MAK: variants seen among roughly 807,000 people sequenced by gnomAD.
MAK encodes the protein male germ cell associated kinase, also known as serine/threonine-protein kinase MAK.
MAK carries 65 observed loss-of-function variants against 82.6 expected under a neutral mutation model. The ratio of observed to expected loss-of-function variants is 0.79; its 90% confidence interval spans 0.64 to 0.97. The LOEUF (loss-of-function observed/expected upper bound fraction) is 0.97. Among genes scored for constraint, MAK ranks in the 50% least tolerant of loss-of-function variants. The pLI is 0.00. For synonymous variants in MAK, 250 were observed against 274.2 expected (o/e 0.91, Z 0.87); for missense variants, 703 against 780.2 (o/e 0.90, Z 1.18).
chr6:10,785,421 A>G (rs996178697), intron 10 of MAK, among the ~76,000 whole-genome samples: 1 of 152,096 alleles, frequency 6.6e-6, no homozygotes, highest in Non-Finnish European at 1.5e-5. Flanking sequence ...ATACTGCCCA[A>G]TTTCCATCAC....
At chr6:10,821,895 C>G (rs1777965885) in intron 2 of MAK, among the ~76,000 whole-genome samples, 1 of 150,798 alleles carries the variant, frequency 6.6e-6, no homozygotes, top group Admixed American at 6.6e-5. Context: ...CACCTGTAAT[C>G]CCAGCACTTT....
intron 9 of MAK, among the ~76,000 whole-genome samples, chr6:10,794,414 C>A (rs941112934): frequency 6.6e-6 from 1 of 152,058 alleles, no homozygotes; most frequent in Non-Finnish European, 1.5e-5. Flanking sequence ...GAGGAAGAGA[C>A]AAATAAACAA....
At chr6:10,809,949 T>G (rs1035175881) in intron 5 of MAK, among the ~76,000 whole-genome samples, 4 of 151,704 alleles carry the variant, frequency 2.6e-5, no homozygotes, top group Non-Finnish European at 5.9e-5. Flanking sequence ...AATACCAAAA[T>G]TAGCCGGGCA....
intron 5 of MAK, among the ~76,000 whole-genome samples, chr6:10,812,093 G>A (rs1776980688): frequency 1.3e-5 from 2 of 152,050 alleles, no homozygotes; most frequent in African/African-American, 4.8e-5. Flanking sequence ...CCAGCTACTA[G>A]GGAGGCTGAG....
At chr6:10,786,210 A>T (rs753807893) in intron 10 of MAK, among the ~76,000 whole-genome samples, 22 of 152,188 alleles carry the variant, frequency 1.4e-4, no homozygotes, top group Admixed American at 2.6e-4. Context: ...GCACCACTGC[A>T]CTCAGCCTGG....
At chr6:10,818,766 A>T in intron 3 of MAK, 120 bp downstream of exon 3, 1 of 691,578 alleles carries the variant, frequency 1.4e-6, no homozygotes. Context: ...TTAGGAATAT[A>T]AAGGAAAAAC....
rs1775236440 is a variant in MAK, at chr6:10,793,295, G to A, written c.1144-1448C>T. ...CAAAGGGGATCAGCACATAGTTGAAGAACTTGACCAACAGTACTGACAAAT... is the reference window on the plus strand; with the variant it reads ...CAAAGGGGATCAGCACATAGTTGAAAAACTTGACCAACAGTACTGACAAAT... On this transcript the variant is annotated intron_variant, in intron 9 of 14. Coordinates refer to ENST00000354489, the MANE Select transcript of MAK (RefSeq NM_001242957.3). This position sits in a 1 kb window ranked among gnomAD's most constrained non-coding sequence, Gnocchi z 4.6. Among the ~76,000 whole-genome samples the A allele has an allele frequency of 6.6e-6, 1 of 152,160 alleles. No homozygotes were observed. Among genetic ancestry groups the A allele is most frequent in the African/African-American group, 2.4e-5 (1 of 41,434 alleles).
At chr6:10,802,258 GAGTT>G (rs1039106611) in intron 7 of MAK, 199 bp from the exon 8 acceptor site, 12 of 544,800 alleles carry the variant, frequency 2.2e-5, no homozygotes, top group Non-Finnish European at 3.5e-5. Context: ...ATTAAGCTGA[GAGTT>G]AGGAAACAAT....
rs73721388 is a variant in MAK at position 10,771,659 on chromosome 6, C to A, written c.1672+1375G>T. 6.0e-3 allele frequency among the ~76,000 whole-genome samples: 913 copies of A among 152,326 alleles called. 7 individuals are homozygous for A. Among genetic ancestry groups the A allele is most frequent in the African/African-American group, 0.021 (873 of 41,558 alleles). On this transcript the variant is annotated intron_variant, in intron 13 of 14. Coordinates refer to ENST00000354489, the MANE Select transcript of MAK (RefSeq NM_001242957.3). ...GTGTCCGTTGTCTCTCACGGCATATCAGGCTTCAACAGGTGTCTGCTCTTG... is the reference window on the plus strand; with the variant it reads ...GTGTCCGTTGTCTCTCACGGCATATAAGGCTTCAACAGGTGTCTGCTCTTG...
chr6:10,771,476 A>C (rs1773011324), intron 13 of MAK, among the ~76,000 whole-genome samples: 1 of 152,216 alleles, frequency 6.6e-6, no homozygotes, highest in Admixed American at 6.5e-5. Flanking sequence ...AACGACAACC[A>C]GAAGCAATAG....
At chr6:10,797,862 T>TA (rs1452268589) in intron 8 of MAK, 1 of 1,285,188 alleles carries the variant, frequency 7.8e-7, no homozygotes, top group Non-Finnish European at 1.0e-6. Flanking sequence ...CCACTTCCAC[T>TA]AAAAAGCAGG....
Position 10,770,549 on chromosome 6 carries a change from C to T in MAK, c.1673-319G>A, listed in dbSNP as rs566822763. On this transcript the variant is annotated intron_variant, in intron 13 of 14. Transcript: ENST00000354489. ...ACCCTGAACACGCCAGGCTTTCTCA[C>T]GACCCCACTTCTTCACATGGGGGTG... is the stretch of plus-strand genomic sequence containing the variant. Among the ~76,000 whole-genome samples, 4 of 152,278 alleles carry T rather than the reference C, an allele frequency of 2.6e-5. No homozygotes were observed. The East Asian group carries it at 5.8e-4, about 22-fold the overall frequency.
intron 2 of MAK, chr6:10,829,319 C>T (rs1778604931): frequency 6.6e-6 from 1 of 152,152 alleles, no homozygotes; most frequent in Non-Finnish European, 1.5e-5. Context: ...ATATATCATT[C>T]AGAACTCAAT....
intron 11 of MAK, among the ~76,000 whole-genome samples, chr6:10,782,034 C>T (rs1397010748): frequency 1.3e-5 from 2 of 151,982 alleles, no homozygotes; most frequent in African/African-American, 2.4e-5. Flanking sequence ...GGTGAAACCC[C>T]GTCTCTACTA....
chr6:10,823,387 T>G (rs1778108042), intron 2 of MAK, among the ~76,000 whole-genome samples: 1 of 152,240 alleles, frequency 6.6e-6, no homozygotes, highest in Admixed American at 6.5e-5. Flanking sequence ...ACACCGGCTC[T>G]TTTGTTTAAA....
intron 1 of MAK, among the ~76,000 whole-genome samples, chr6:10,831,831 T>G (rs1392677189): frequency 6.6e-6 from 1 of 152,144 alleles, no homozygotes. Context: ...TAATCAAACT[T>G]GAATGAATGA....
intron 2 of MAK, among the ~76,000 whole-genome samples, chr6:10,820,332 G>A (rs1307599749): frequency 6.6e-6 from 1 of 152,080 alleles, no homozygotes; most frequent in East Asian, 1.9e-4. Flanking sequence ...CTCTATGGGG[G>A]TATAATACAC....
intron 13 of MAK, among the ~76,000 whole-genome samples, chr6:10,770,760 C>CCAT (rs774067630): frequency 1.6e-4 from 24 of 152,116 alleles, no homozygotes; most frequent in Non-Finnish European, 3.4e-4. Flanking sequence ...ATTATCAACA[C>CCAT]CATCATCATC....
rs2127544510 is a variant in MAK, at chr6:10,793,622, T to G, written c.1144-1775A>C. Among the ~76,000 whole-genome samples the G allele has an allele frequency of 6.6e-6, 1 of 152,288 alleles. No individual in the cohort carries two copies. Among genetic ancestry groups the G allele is most frequent in the East Asian group, 1.9e-4 (1 of 5,182 alleles). ...AACAGGTATACTTAGAAATTTTAGT[T>G]AACACAGTACTTAATCCCAGCTCTG... On this transcript the variant is annotated intron_variant, in intron 9 of 14. Coordinates refer to ENST00000354489, the MANE Select transcript of MAK (RefSeq NM_001242957.3). The surrounding 1 kb of genome is among the most constrained non-coding windows in gnomAD (Gnocchi z 4.6).
Sources: allele counts gnomAD v4.1 joint callset (sites outside exome capture counted in the v4.1 genomes callset), GRCh38; gene constraint gnomAD v4.1.1; non-coding constraint Gnocchi (gnomAD v3.1); transcripts MANE v1.5; gene names NCBI Gene and HGNC (gene_info 2026-07-23, HGNC 2026-07-21).